Variants in EYA2 observed in about 807,000 individuals in gnomAD.
The protein encoded by EYA2 is protein phosphatase EYA2.
A neutral mutation model predicts 69.2 loss-of-function variants in EYA2; 31 were observed. The observed-to-expected ratio is 0.45, with a 90% confidence interval of 0.34 to 0.60. The LOEUF (loss-of-function observed/expected upper bound fraction) is 0.60, where lower values mean the gene tolerates loss of function less well. EYA2 is among the 20% of genes least tolerant of loss of function. EYA2 has a pLI of 0.02. For missense variants in EYA2, 622 were observed against 701.2 expected (o/e 0.89, Z 1.28); for synonymous variants, 257 against 279.4 (o/e 0.92, Z 0.80).
chr20:47,114,062 C>T (rs6066206), intron 9 of EYA2, among the ~76,000 whole-genome samples: 64,819 of 151,910 alleles, frequency 0.43, 15,277 homozygotes, highest in East Asian at 0.68. Context: ...GCTCTTCTGT[C>T]GGGGGAGAAT....
Position 47,097,128 on chromosome 20 carries a change from A to G in EYA2, c.848A>G (p.His283Arg). The stretch of plus-strand genomic sequence containing the variant: ...TTGGATGAGACAATAATTATTTTTC[A>G]CTCCTTACTCACGGGGACATTTGCA... ...WDLDETIIIF[H>R]SLLTGTFASR... The change falls in exon 9 of 16, where the codon CAC becomes CGC. Residue 283 changes from histidine to arginine, a missense_variant. His to Arg is a conservative substitution (Grantham distance 29). Coordinates refer to ENST00000327619, the MANE Select transcript of EYA2 (RefSeq NM_005244.5). 2 of 1,609,890 alleles carry G rather than the reference A, an allele frequency of 1.2e-6. No homozygotes were observed. Among genetic ancestry groups the G allele is most frequent in the Non-Finnish European group, 1.7e-6 (2 of 1,178,528 alleles).
intron 9 of EYA2, among the ~76,000 whole-genome samples, chr20:47,103,379 G>A (rs2032482938): frequency 6.6e-6 from 1 of 152,110 alleles, no homozygotes; most frequent in Non-Finnish European, 1.5e-5. Context: ...CATCCGTGTT[G>A]TAGCATGTAT....
At chr20:47,170,158 T>G (rs1258484690) in intron 11 of EYA2, among the ~76,000 whole-genome samples, 1 of 151,300 alleles carries the variant, frequency 6.6e-6, no homozygotes. Flanking sequence ...TCTACCCACC[T>G]CAGCCTCCCA....
rs1400208182 is a variant in EYA2, at chr20:46,989,961, A to G, written c.-10-40A>G. The G allele has an allele frequency of 5.8e-6, 6 of 1,033,346 alleles. No homozygotes were observed. The Admixed American group carries it at 1.0e-4, about 18-fold the overall frequency. 64.0% of individuals were successfully genotyped at this position (1,033,346 alleles called of 1,614,324 possible). On this transcript the variant is annotated intron_variant, in intron 1 of 15. Coordinates refer to ENST00000327619, the MANE Select transcript of EYA2 (RefSeq NM_005244.5). ...ATAGGAATCATTAGCAAGCATGCATAATTAATGAATAAATTATATTTCCCT... is the reference window on the plus strand; with the variant it reads ...ATAGGAATCATTAGCAAGCATGCATGATTAATGAATAAATTATATTTCCCT...
At chr20:47,181,113 C>T (rs2034529720) in intron 14 of EYA2, among the ~76,000 whole-genome samples, 177 bp downstream of exon 14, 1 of 152,210 alleles carries the variant, frequency 6.6e-6, no homozygotes, top group Admixed American at 6.5e-5. Flanking sequence ...ACCTCTGCTT[C>T]TAAAGAAATT....
chr20:47,156,077 C>CAT (rs1352072537), intron 10 of EYA2, among the ~76,000 whole-genome samples: 1 of 79,700 alleles, frequency 1.3e-5, no homozygotes, highest in Non-Finnish European at 2.4e-5. Flanking sequence ...CACACACACA[C>CAT]ATATATATAC....
At chr20:47,113,856 G>GCT (rs374266262) in intron 9 of EYA2, among the ~76,000 whole-genome samples, 1 of 147,668 alleles carries the variant, frequency 6.8e-6, no homozygotes, top group African/African-American at 2.5e-5. Flanking sequence ...TCCTAGATGG[G>GCT]TTTTTTTTTT....
intron 9 of EYA2, among the ~76,000 whole-genome samples, chr20:47,135,500 A>G (rs1311851903): frequency 9.9e-5 from 15 of 151,182 alleles, no homozygotes; most frequent in Admixed American, 9.9e-4. Flanking sequence ...ATTATTATTC[A>G]GCCAGGAGTT....
intron 6 of EYA2, among the ~76,000 whole-genome samples, chr20:47,073,237 G>A (rs2031381538): frequency 6.6e-6 from 1 of 152,206 alleles, no homozygotes; most frequent in Admixed American, 6.5e-5. Flanking sequence ...TTTGGTGATA[G>A]TGCGGCAGGA....
chr20:46,936,555 A>G (rs1600559938), intron 1 of EYA2, among the ~76,000 whole-genome samples: 1 of 152,298 alleles, frequency 6.6e-6, no homozygotes, highest in African/African-American at 2.4e-5. Context: ...TAGAGGGAAA[A>G]TGACTGCATT....
intron 1 of EYA2, among the ~76,000 whole-genome samples, chr20:46,904,072 T>C (rs528859120): frequency 1.4e-3 from 209 of 152,320 alleles, no homozygotes; most frequent in African/African-American, 4.4e-3. Flanking sequence ...GCACAGGCCC[T>C]GGACTCAGAC....
In EYA2 at chr20:47,074,277, C is replaced by A. The variant is rs769504030; in HGVS notation, c.603C>A (p.Thr201=). ...SICPSPLSTS[T]YVLQEASHNV... is the part of the protein sequence containing the mutation. Reference sequence around the variant, plus strand: ...GCCCTTCGCCCCTCTCCACGTCCACCTACGTCCTCCAGGAGGCATCTCACA... The same window carrying A: ...GCCCTTCGCCCCTCTCCACGTCCACATACGTCCTCCAGGAGGCATCTCACA... Residue 201 remains threonine (T), a synonymous_variant, in exon 7 of 16, where the codon ACC becomes ACA. Coordinates refer to ENST00000327619, the MANE Select transcript of EYA2 (RefSeq NM_005244.5). 6.2e-6 allele frequency: 10 copies of A among 1,614,042 alleles called. No individual in the cohort carries two copies. The Admixed American group carries it at 1.7e-4, about 27-fold the overall frequency.
chr20:46,997,408 G>C (rs1032672832), intron 2 of EYA2, among the ~76,000 whole-genome samples: 1 of 152,154 alleles, frequency 6.6e-6, no homozygotes, highest in Non-Finnish European at 1.5e-5. Flanking sequence ...GAGCTCAGCT[G>C]ATCCCTCTCT....
At chr20:46,950,071 A>G (rs887325961) in intron 1 of EYA2, among the ~76,000 whole-genome samples, 8 of 152,232 alleles carry the variant, frequency 5.3e-5, no homozygotes, top group Non-Finnish European at 8.8e-5. Flanking sequence ...TGCTCAACAC[A>G]GTGCCTGGCA....
intron 1 of EYA2, among the ~76,000 whole-genome samples, chr20:46,963,413 G>A (rs2146290561): frequency 6.6e-6 from 1 of 152,354 alleles, no homozygotes; most frequent in East Asian, 1.9e-4. Flanking sequence ...ACCGTGCCAA[G>A]CCCTGGGGAC....
intron 5 of EYA2, among the ~76,000 whole-genome samples, chr20:47,070,831 A>T (rs2031287619): frequency 6.6e-6 from 1 of 152,152 alleles, no homozygotes; most frequent in Non-Finnish European, 1.5e-5. Context: ...TTTTAAATAA[A>T]TAATTTTTAT....
intron 1 of EYA2, among the ~76,000 whole-genome samples, chr20:46,912,110 C>A (rs1227549294): frequency 6.6e-6 from 1 of 152,082 alleles, no homozygotes; most frequent in Non-Finnish European, 1.5e-5. Flanking sequence ...GGAGCATGGG[C>A]AGTGGTTGGG....
At chr20:47,084,456 G>A (rs909889378) in intron 7 of EYA2, among the ~76,000 whole-genome samples, 74 of 152,136 alleles carry the variant, frequency 4.9e-4, no homozygotes, top group Admixed American at 1.7e-3. Context: ...CAGGAGGATC[G>A]TGTGAGCCCG....
intron 1 of EYA2, among the ~76,000 whole-genome samples, chr20:46,945,036 A>G (rs1978369574): frequency 6.6e-6 from 1 of 151,930 alleles, no homozygotes. Context: ...CCTGGGAGGT[A>G]GAGGTTGCAG....
Sources: allele counts gnomAD v4.1 joint callset (sites outside exome capture counted in the v4.1 genomes callset), GRCh38; gene constraint gnomAD v4.1.1; transcripts MANE v1.5; gene names NCBI Gene and HGNC (gene_info 2026-07-23, HGNC 2026-07-21).